Variants in GRIK1 observed in about 807,000 individuals in gnomAD.
The protein encoded by GRIK1 is glutamate ionotropic receptor kainate type subunit 1.
A neutral mutation model predicts 105.7 loss-of-function variants in GRIK1; 69 were observed. The observed-to-expected ratio is 0.65, with a 90% CI of 0.54 to 0.80. The LOEUF is 0.80. Ranked by LOEUF, GRIK1 falls within the 30% of genes least tolerant of loss-of-function variation. The pLI, the probability that GRIK1 is intolerant of heterozygous loss-of-function variation, is 0.00. For missense variants in GRIK1, 1,109 were observed against 1,167.3 expected, an observed-to-expected ratio of 0.95 and a Z score of 0.73; for synonymous variants, 438 against 431.3, an observed-to-expected ratio of 1.02 and a Z score of -0.19.
intron 16 of GRIK1, chr21:29,553,710 A>T (rs1435420489): frequency 6.5e-7 from 1 of 1,541,560 alleles, no homozygotes; most frequent in Non-Finnish European, 8.7e-7. Context: ...AAAGCCTTGC[A>T]TGCAAAAGAA....
intron 1 of GRIK1, among the ~76,000 whole-genome samples, chr21:29,711,304 T>G (rs1156451631): frequency 6.6e-6 from 1 of 152,212 alleles, no homozygotes; most frequent in Non-Finnish European, 1.5e-5. Flanking sequence ...GTGTTACAGT[T>G]GCTAAAAGTA....
chr21:29,607,934 G>A (rs1465025297), intron 7 of GRIK1, among the ~76,000 whole-genome samples: 3 of 152,120 alleles, frequency 2.0e-5, no homozygotes, highest in Non-Finnish European at 4.4e-5. Flanking sequence ...TAAGGTATCA[G>A]TTGACATGGA....
Position 29,866,574 on chromosome 21 carries a change from A to G in GRIK1, c.118+72809T>C, listed in dbSNP as rs542427121. On this transcript the variant is annotated intron_variant, in intron 1 of 17. Coordinates refer to ENST00000327783, the MANE Select transcript of GRIK1 (RefSeq NM_001330994.2). ...TAAATCACAGTCTGGAAACTTGGCC[A>G]TGGTAGTGGTGGGTAAAGATGGGGG... Among the ~76,000 whole-genome samples, 12 of 152,294 alleles carry G rather than the reference A, an allele frequency of 7.9e-5. No individual in the cohort carries two copies. In the South Asian group the frequency reaches 2.5e-3, roughly 32 times the overall value.
chr21:29,702,767 A>C (rs1294445173), intron 1 of GRIK1, among the ~76,000 whole-genome samples: 2 of 152,204 alleles, frequency 1.3e-5, no homozygotes, highest in Admixed American at 1.3e-4. Context: ...ATGCAGCCAG[A>C]AGCCAAGGAA....
intron 1 of GRIK1, among the ~76,000 whole-genome samples, chr21:29,757,110 T>C (rs888445968): frequency 4.0e-5 from 6 of 151,538 alleles, no homozygotes; most frequent in Non-Finnish European, 8.8e-5. Context: ...AGATTGAGAC[T>C]CCATCTCAAT....
rs1168498534 is a variant in GRIK1 at position 29,939,569 on chromosome 21, GGCCGGGTCCCC to G, written c.-80_-70del. ...ACGCCCGAGAGATGCACCCAACTTGGGCCGGGTCCCCGCCTCATCCTCTCTGGATGCTCCGG... is the reference window on the plus strand; with the variant it reads ...ACGCCCGAGAGATGCACCCAACTTGGGCCTCATCCTCTCTGGATGCTCCGG... On this transcript the variant is annotated 5_prime_UTR_variant, in exon 1 of 18. An upstream open reading frame in the 5' UTR gains an earlier in-frame stop. Coordinates refer to ENST00000327783, the MANE Select transcript of GRIK1 (RefSeq NM_001330994.2). The G allele has an allele frequency of 1.2e-4, 111 of 954,240 alleles. 1 individual carries two copies. In the Admixed American group the frequency reaches 2.6e-3, roughly 22 times the overall value. The allele number at this position is 954,240 out of a possible 1,614,324, so 59.1% of individuals were successfully genotyped here. A position where few individuals can be genotyped will look rare whatever the true frequency, so the allele number is the denominator to read the frequency against.
chr21:29,910,653 C>G (rs1602021505), intron 1 of GRIK1, among the ~76,000 whole-genome samples: 2 of 152,172 alleles, frequency 1.3e-5, no homozygotes, highest in East Asian at 3.9e-4. Flanking sequence ...AAAAATTAAC[C>G]TTTCTTGTGG....
chr21:29,561,625 A>G lies in GRIK1; in HGVS notation c.2355T>C (p.Ile785=). 6.3e-7 allele frequency: 1 copy of G among 1,594,508 alleles called. No individual in the cohort carries two copies. The highest frequency in any genetic ancestry group is 8.6e-7 in the Non-Finnish European group (1 of 1,162,096). The change falls in exon 15 of 18, where the codon ATT becomes ATC. Residue 785 remains isoleucine (I), a splice_region_variant and synonymous_variant. Transcript: ENST00000327783. ...DSKGYGVGTP[I]GSPYRDKITI... is the part of the protein sequence containing the mutation. ...TTGGTTCATGTCTACCCGTCTTACC[A>G]ATAGGTGTTCCCACTCCGTAACCTT...
At chr21:29,660,222 A>T (rs2062936432) in intron 4 of GRIK1, among the ~76,000 whole-genome samples, 1 of 152,136 alleles carries the variant, frequency 6.6e-6, no homozygotes, top group South Asian at 2.1e-4. Flanking sequence ...GGCAATGATG[A>T]TCTCTTAGAT....
intron 1 of GRIK1, among the ~76,000 whole-genome samples, chr21:29,845,122 AT>A (rs1481525945): frequency 6.6e-6 from 1 of 152,054 alleles, no homozygotes; most frequent in Admixed American, 6.5e-5. Flanking sequence ...CAATGTTAAA[AT>A]TTTTCCAGAA....
At chr21:29,650,713 G>A (rs2062715461) in intron 6 of GRIK1, among the ~76,000 whole-genome samples, 1 of 152,180 alleles carries the variant, frequency 6.6e-6, no homozygotes, top group African/African-American at 2.4e-5. Context: ...TTTCCACACT[G>A]GCTTTGCTTG....
At chr21:29,796,160 A>G (rs1452843012) in intron 1 of GRIK1, among the ~76,000 whole-genome samples, 2 of 152,230 alleles carry the variant, frequency 1.3e-5, no homozygotes, top group African/African-American at 2.4e-5. Context: ...GTGTCCACAC[A>G]TCTACAAGTT....
At chr21:29,797,790 C>T (rs981213497) in intron 1 of GRIK1, among the ~76,000 whole-genome samples, 2 of 152,114 alleles carry the variant, frequency 1.3e-5, no homozygotes, top group African/African-American at 4.8e-5. Flanking sequence ...CAATGTCCCG[C>T]CTAGATTTCT....
chr21:29,808,774 C>A (rs151188997), intron 1 of GRIK1, among the ~76,000 whole-genome samples: 1,724 of 152,232 alleles, frequency 0.011, 16 homozygotes, highest in Non-Finnish European at 0.014. Context: ...GCCAGCCCTT[C>A]CAATGCCCCC....
At chr21:29,905,619 ATTTTTTTTT>A (rs869179451) in intron 1 of GRIK1, among the ~76,000 whole-genome samples, 3 of 72,584 alleles carry the variant, frequency 4.1e-5, no homozygotes, top group African/African-American at 1.7e-4. Context: ...CAAATTTTGT[ATTTTTTTTT>A]TTTTTTTTTT....
At chr21:29,664,208 A>AT (rs1210235702) in intron 4 of GRIK1, among the ~76,000 whole-genome samples, 2 of 152,178 alleles carry the variant, frequency 1.3e-5, no homozygotes, top group African/African-American at 4.8e-5. Context: ...GAGACTTGGT[A>AT]TGTTAGGCTG....
intron 1 of GRIK1, among the ~76,000 whole-genome samples, chr21:29,801,310 C>T (rs1409145958): frequency 1.3e-5 from 2 of 151,790 alleles, no homozygotes; most frequent in Admixed American, 6.6e-5. Context: ...TTTGCACCAA[C>T]TTAATAAATA....
chr21:29,816,750 T>C (rs2067165067), intron 1 of GRIK1, among the ~76,000 whole-genome samples: 1 of 151,906 alleles, frequency 6.6e-6, no homozygotes. Flanking sequence ...GTCAATCCCA[T>C]AGACAAAGAG....
chr21:29,828,289 G>A (rs73897857), intron 1 of GRIK1, among the ~76,000 whole-genome samples: 16,150 of 151,934 alleles, frequency 0.11, 923 homozygotes, highest in Admixed American at 0.16. Flanking sequence ...TTACATAACA[G>A]ACTGCCACAA....
Sources: gnomAD v4.1 joint callset for allele counts (sites outside exome capture counted in the v4.1 genomes callset) on GRCh38, gnomAD v4.1.1 for gene constraint, MANE v1.5 for transcripts, NCBI Gene and HGNC (gene_info 2026-07-23, HGNC 2026-07-21) for gene names.